FOXP4: variants seen among roughly 807,000 people sequenced by gnomAD.
FOXP4 encodes forkhead box P4.
A neutral mutation model predicts 82.6 loss-of-function variants in FOXP4; 25 were observed. The observed-to-expected ratio is 0.30, with a 90% CI of 0.22 to 0.42. FOXP4 has a LOEUF of 0.42. Ranked by LOEUF, FOXP4 falls within the 10% of genes least tolerant of loss-of-function variation. FOXP4 has a pLI of 1.00. For synonymous variants in FOXP4, 415 were observed against 388.2 expected, an observed-to-expected ratio of 1.07 and a Z score of -0.81; for missense variants, 785 against 900.9, an observed-to-expected ratio of 0.87 and a Z score of 1.65.
chr6:41,580,371 C>T (rs992303397), intron 3 of FOXP4, among the ~76,000 whole-genome samples: 12 of 152,132 alleles, frequency 7.9e-5, no homozygotes, highest in African/African-American at 2.9e-4. Flanking sequence ...CCATCGTGCC[C>T]GGCCAGTAGA....
Position 41,590,003 on chromosome 6 carries a change from C to G in FOXP4, c.1190C>G (p.Thr397Ser), listed in dbSNP as rs1766405943. 1 of 1,613,884 alleles carries G rather than the reference C, an allele frequency of 6.2e-7. No individual in the cohort carries two copies. Among genetic ancestry groups the G allele is most frequent in the Non-Finnish European group, 8.5e-7 (1 of 1,180,000 alleles). Residue 397 changes from threonine to serine, a missense_variant, in exon 11 of 17, where the codon ACC becomes AGC. This residue lies in a region of FOXP4 where 570 missense variants were observed against 634.0 expected (regional missense o/e 0.90). Coordinates refer to ENST00000307972, the MANE Select transcript of FOXP4 (RefSeq NM_001012426.2). ...VPGSSSFSKVTVSAADSFPDG... is the reference protein window; with the variant it reads ...VPGSSSFSKVSVSAADSFPDG... ...GGCTCCTCCTCATTCTCCAAGGTGA[C>G]CGTCTCTGCAGCAGACTCATTCCCA...
chr6:41,597,524 G>A (rs1766918766), intron 15 of FOXP4, among the ~76,000 whole-genome samples: 1 of 152,162 alleles, frequency 6.6e-6, no homozygotes, highest in Non-Finnish European at 1.5e-5. Flanking sequence ...TGTTCCCTGG[G>A]AGAGGGGATA....
At chr6:41,597,701 G>A (rs1321089169) in intron 15 of FOXP4, 80 bp from the exon 16 acceptor site, 33 of 1,505,682 alleles carry the variant, frequency 2.2e-5, no homozygotes, top group Non-Finnish European at 2.8e-5. Flanking sequence ...CTCTCTAGTG[G>A]GCGGGGAAGG....
intron 3 of FOXP4, 32 bp from the exon 4 acceptor site, chr6:41,584,737 A>G (rs1427076177): frequency 1.2e-5 from 18 of 1,551,962 alleles, no homozygotes; most frequent in Non-Finnish European, 1.6e-5. Flanking sequence ...GTTGGGGTCC[A>G]GGGGACAGGG....
intron 1 of FOXP4, among the ~76,000 whole-genome samples, chr6:41,554,112 A>G (rs1764149704): frequency 1.3e-5 from 2 of 152,192 alleles, no homozygotes; most frequent in South Asian, 2.1e-4. Flanking sequence ...CAACCCTGAA[A>G]GATTCTCCAG....
intron 1 of FOXP4, chr6:41,547,545 A>G (rs1314892267): frequency 6.6e-6 from 1 of 152,328 alleles, no homozygotes; most frequent in African/African-American, 2.4e-5. Flanking sequence ...CCCCTTTTCC[A>G]TCGCTCGGTC....
At chr6:41,578,460 C>T (rs560958001) in intron 3 of FOXP4, among the ~76,000 whole-genome samples, 1 of 152,094 alleles carries the variant, frequency 6.6e-6, no homozygotes, top group South Asian at 2.1e-4. Context: ...CTCTGTGTTC[C>T]TGTGTCTGGG....
chr6:41,567,598 A>G (rs1397504369), intron 2 of FOXP4, among the ~76,000 whole-genome samples: 2 of 152,252 alleles, frequency 1.3e-5, no homozygotes, highest in African/African-American at 4.8e-5. Flanking sequence ...AGACAGAGTT[A>G]TGAAGAATTT....
At chr6:41,567,175 C>T (rs1229461515) in intron 2 of FOXP4, among the ~76,000 whole-genome samples, 1 of 152,202 alleles carries the variant, frequency 6.6e-6, no homozygotes, top group Non-Finnish European at 1.5e-5. Flanking sequence ...ATGACCTTGA[C>T]CAAGTCATGA....
At chr6:41,581,906 C>T (rs578093535) in intron 3 of FOXP4, among the ~76,000 whole-genome samples, 1 of 152,316 alleles carries the variant, frequency 6.6e-6, no homozygotes, top group East Asian at 1.9e-4. Context: ...TTCACATGCT[C>T]CTGTCAGTGA....
chr6:41,589,654 A>G (rs1338278993), intron 9 of FOXP4, 117 bp from the exon 10 acceptor site: 7 of 999,862 alleles, frequency 7.0e-6, no homozygotes, highest in Non-Finnish European at 1.0e-5. Flanking sequence ...TGAGGCAAGG[A>G]GGCGAATGGG....
At chr6:41,578,679 C>T (rs1417139197) in intron 3 of FOXP4, among the ~76,000 whole-genome samples, 1 of 110,110 alleles carries the variant, frequency 9.1e-6, no homozygotes, top group Non-Finnish European at 1.8e-5. Context: ...GCCAGCCCAT[C>T]TGGCTGGCTG....
At chr6:41,566,074 T>A in intron 2 of FOXP4, 110 bp downstream of exon 2, 1 of 1,227,752 alleles carries the variant, frequency 8.1e-7, no homozygotes, top group Non-Finnish European at 1.1e-6. Flanking sequence ...AGCCTCACTT[T>A]ACCATTCTTA....
In FOXP4 at chr6:41,593,917, G is replaced by C. The variant is rs533608936; in HGVS notation, c.1537-953G>C. Among the ~76,000 whole-genome samples the C allele has an allele frequency of 1.8e-4, 28 of 152,278 alleles. No individual in the cohort carries two copies. The highest frequency in any genetic ancestry group is 3.4e-3 in the Middle Eastern group (1 of 294). On this transcript the variant is annotated intron_variant, in intron 13 of 16. Transcript: ENST00000307972. This position sits in a 1 kb window ranked among gnomAD's most constrained non-coding sequence, Gnocchi z 4.1. Reference sequence around the variant, plus strand: ...GAGGAGACAAGGATGGGGACGAGGCGGGGGAGGCTAAGGGAGGACAGGTAA... The same window carrying C: ...GAGGAGACAAGGATGGGGACGAGGCCGGGGAGGCTAAGGGAGGACAGGTAA...
chr6:41,591,956 G>A lies in FOXP4; in HGVS notation c.1536+634G>A, dbSNP rs541193994. On this transcript the variant is annotated intron_variant, in intron 13 of 16. Transcript: ENST00000307972. This position sits in a 1 kb window ranked among gnomAD's most constrained non-coding sequence, Gnocchi z 4.2. ...AGAAAAATGGGAGACAGATGCTGGG[G>A]TACTAGGCCATTTATTTTTCTATAG... Among the ~76,000 whole-genome samples the A allele has an allele frequency of 3.3e-4, 50 of 151,998 alleles. No individual in the cohort carries two copies. The highest frequency in any genetic ancestry group is 1.9e-4 in the Non-Finnish European group (13 of 68,012).
In FOXP4 at chr6:41,599,216, C is replaced by CT; in HGVS notation, c.*280_*281insT. The CT allele has an allele frequency of 3.4e-6, 1 of 294,818 alleles. No individual in the cohort carries two copies. Among genetic ancestry groups the CT allele is most frequent in the Non-Finnish European group, 6.3e-6 (1 of 158,312 alleles). 18.3% of individuals were successfully genotyped at this position (294,818 alleles called of 1,614,324 possible). The stretch of plus-strand genomic sequence containing the variant: ...TCCCCACATCTGAAACTGCCTCCCC[C>CT]CAACCACCAGCAGCAGCAGGGCCCT... On this transcript the variant is annotated 3_prime_UTR_variant, in exon 17 of 17. Coordinates refer to ENST00000307972, the MANE Select transcript of FOXP4 (RefSeq NM_001012426.2).
At chr6:41,563,624 C>G (rs376627948) in intron 1 of FOXP4, among the ~76,000 whole-genome samples, 5 of 152,148 alleles carry the variant, frequency 3.3e-5, no homozygotes, top group African/African-American at 1.2e-4. Context: ...AAGTCCTTGA[C>G]CTCTTTGGGT....
At chr6:41,587,550 G>A in intron 7 of FOXP4, 38 bp downstream of exon 7, 1 of 1,488,458 alleles carries the variant, frequency 6.7e-7, no homozygotes, top group Non-Finnish European at 9.0e-7. Flanking sequence ...TCAAAGGCCT[G>A]CCTGGGGGTA....
rs183154139 is a variant in FOXP4 at position 41,600,253 on chromosome 6, C to G, written c.*1317C>G. The G allele has an allele frequency of 6.5e-6, 1 of 152,672 alleles. No homozygotes were observed. Among genetic ancestry groups the G allele is most frequent in the Admixed American group, 6.5e-5 (1 of 15,310 alleles). 9.5% of individuals were successfully genotyped at this position (152,672 alleles called of 1,614,324 possible). A position where few individuals can be genotyped will look rare whatever the true frequency, so the allele number is the denominator to read the frequency against. ...GCTCTCACCCCCTCAGGAGTGGGCACGGGAGCCCTTCTCCCTGACCCTGGG... is the reference window on the plus strand; with the variant it reads ...GCTCTCACCCCCTCAGGAGTGGGCAGGGGAGCCCTTCTCCCTGACCCTGGG... On this transcript the variant is annotated 3_prime_UTR_variant, in exon 17 of 17. Coordinates refer to ENST00000307972, the MANE Select transcript of FOXP4 (RefSeq NM_001012426.2).
Sources: gnomAD v4.1 joint callset for allele counts (sites outside exome capture counted in the v4.1 genomes callset) on GRCh38, gnomAD v4.1.1 for gene constraint, gnomAD v4.1.1 regional missense constraint, Gnocchi (gnomAD v3.1) non-coding constraint, MANE v1.5 for transcripts, NCBI Gene and HGNC (gene_info 2026-07-23, HGNC 2026-07-21) for gene names.